The following AKAP13 variants were observed in gnomAD, a reference collection of about 807,000 sequenced individuals.
The protein encoded by AKAP13 is A-kinase anchoring protein 13, also known as A-kinase anchor protein 13.
A neutral mutation model predicts 264.5 loss-of-function variants in AKAP13; 80 were observed. That is an observed-to-expected ratio of 0.30 (90% CI 0.25 to 0.36). AKAP13 has a LOEUF of 0.36. Ranked by LOEUF, AKAP13 falls within the 10% of genes least tolerant of loss-of-function variation. The pLI, the probability that AKAP13 is intolerant of heterozygous loss-of-function variation, is 1.00. For missense variants in AKAP13, 3,712 were observed against 3,435.2 expected (o/e 1.08, Z -2.01); for synonymous variants, 1,380 against 1,250.2 (o/e 1.10, Z -2.19).
At chr15:85,422,705 G>T (rs901773205) in intron 1 of AKAP13, among the ~76,000 whole-genome samples, 2 of 152,224 alleles carry the variant, frequency 1.3e-5, no homozygotes, top group Non-Finnish European at 2.9e-5. Context: ...GTGAATAGGA[G>T]TTGCTGTTAG....
chr15:85,604,781 TTCA>T (rs1352188612), intron 8 of AKAP13, among the ~76,000 whole-genome samples: 4 of 94,552 alleles, frequency 4.2e-5, no homozygotes, highest in African/African-American at 1.5e-4. Flanking sequence ...CTTCTTTAGG[TTCA>T]TCAGAATGAG....
In AKAP13 at chr15:85,727,354, T is replaced by A; in HGVS notation, c.7005-27T>A. 6.2e-7 allele frequency: 1 copy of A among 1,614,118 alleles called. No homozygotes were observed. Among genetic ancestry groups the A allele is most frequent in the Non-Finnish European group, 8.5e-7 (1 of 1,179,974 alleles). ...AGTAATTGACATCTTAGGAATTTTT[T>A]GTTCTGTCTTGTTTGGGTTGTATTA... On this transcript the variant is annotated intron_variant, in intron 28 of 36. Transcript: ENST00000394518. This position sits in a 1 kb window ranked among gnomAD's most constrained non-coding sequence, Gnocchi z 5.3.
chr15:85,646,099 G>C (rs1255525138), intron 10 of AKAP13, 145 bp downstream of exon 10: 1 of 1,084,988 alleles, frequency 9.2e-7, no homozygotes, highest in Non-Finnish European at 1.3e-6. Flanking sequence ...TTGTGATCCA[G>C]CTAGCCTTGT....
At chr15:85,545,026 TC>T (rs1281979306) in intron 5 of AKAP13, among the ~76,000 whole-genome samples, 2 of 152,228 alleles carry the variant, frequency 1.3e-5, no homozygotes, top group African/African-American at 4.8e-5. Flanking sequence ...CTTATACCTT[TC>T]CCCATCACGC....
At chr15:85,734,783 T>A (rs999975095) in intron 30 of AKAP13, among the ~76,000 whole-genome samples, 3 of 152,202 alleles carry the variant, frequency 2.0e-5, no homozygotes, top group African/African-American at 7.2e-5. Context: ...CTCTTGCATA[T>A]AAAGTGGAAG....
intron 17 of AKAP13, among the ~76,000 whole-genome samples, chr15:85,707,018 A>T (rs1476521766): frequency 6.6e-6 from 1 of 152,140 alleles, no homozygotes; most frequent in East Asian, 1.9e-4. Flanking sequence ...TTGGCCCTTA[A>T]CTGGTGAGTT....
At chr15:85,444,649 C>T (rs575387126) in intron 1 of AKAP13, among the ~76,000 whole-genome samples, 35 of 152,274 alleles carry the variant, frequency 2.3e-4, no homozygotes, top group Non-Finnish European at 3.5e-4. Flanking sequence ...AGATGGACTA[C>T]AGAATCAGTC....
At chr15:85,603,886 T>C (rs2080201577) in intron 8 of AKAP13, among the ~76,000 whole-genome samples, 1 of 152,160 alleles carries the variant, frequency 6.6e-6, no homozygotes. Context: ...TTGCAGTGTA[T>C]CTCATGTGCC....
chr15:85,495,579 T>A (rs1049837529), intron 2 of AKAP13, among the ~76,000 whole-genome samples: 1 of 152,214 alleles, frequency 6.6e-6, no homozygotes, highest in Non-Finnish European at 1.5e-5. Flanking sequence ...CCCTGCAAAT[T>A]AAACACTTTT....
At chr15:85,608,328 A>C (rs7162084) in intron 8 of AKAP13, among the ~76,000 whole-genome samples, 92,964 of 152,054 alleles carry the variant, frequency 0.61, 28,611 homozygotes, top group Middle Eastern at 0.71. Flanking sequence ...TAATAACTAA[A>C]TTTGGTCAGC....
intron 12 of AKAP13, among the ~76,000 whole-genome samples, chr15:85,659,364 A>T (rs901567042): frequency 3.3e-5 from 5 of 152,202 alleles, no homozygotes; most frequent in Non-Finnish European, 7.3e-5. Flanking sequence ...GTAAAGAAGT[A>T]TTTTTAACTA....
At chr15:85,723,744 C>G (rs2087439700) in intron 26 of AKAP13, among the ~76,000 whole-genome samples, 1 of 152,156 alleles carries the variant, frequency 6.6e-6, no homozygotes, top group Non-Finnish European at 1.5e-5. Flanking sequence ...AAACACATCA[C>G]TTGTTCACAA....
rs1567088692 is a variant in AKAP13 at position 85,498,226 on chromosome 15, A to ATATATC, written c.33+12474_33+12475insATATCT. ...TATATATATATATATATATATATAT[A>ATATATC]TCACATTGAGCGAGATCATAGATAA... On this transcript the variant is annotated intron_variant, in intron 2 of 36. Transcript: ENST00000394518. Among the ~76,000 whole-genome samples the ATATATC allele has an allele frequency of 8.9e-3, 1,163 of 130,416 alleles. 30 individuals are homozygous for ATATATC. Among genetic ancestry groups the ATATATC allele is most frequent in the African/African-American group, 0.032 (1,107 of 35,084 alleles). 85.6% of individuals were successfully genotyped at this position (130,416 alleles called of 152,430 possible).
At chr15:85,619,997 G>T (rs938369965) in intron 8 of AKAP13, 1 of 1,508,718 alleles carries the variant, frequency 6.6e-7, no homozygotes, top group Non-Finnish European at 8.8e-7. Flanking sequence ...CCACCTAACC[G>T]TGAGAAATTT....
At chr15:85,682,596 T>C (rs2151605377) in intron 15 of AKAP13, among the ~76,000 whole-genome samples, 1 of 152,366 alleles carries the variant, frequency 6.6e-6, no homozygotes, top group East Asian at 1.9e-4. Flanking sequence ...CTTAGCTATT[T>C]TAAGCTTTAA....
chr15:85,550,853 G>T (rs138466236), intron 5 of AKAP13, among the ~76,000 whole-genome samples: 1 of 152,162 alleles, frequency 6.6e-6, no homozygotes, highest in Non-Finnish European at 1.5e-5. Flanking sequence ...TAAAGATAAG[G>T]TTGTAGAACT....
At chr15:85,701,558 G>C (rs549100738) in intron 17 of AKAP13, among the ~76,000 whole-genome samples, 1 of 152,082 alleles carries the variant, frequency 6.6e-6, no homozygotes, top group South Asian at 2.1e-4. Flanking sequence ...TTCTGCCTCA[G>C]TCTCCCAAGT....
chr15:85,641,214 A>C (rs984389600), intron 9 of AKAP13, among the ~76,000 whole-genome samples: 3 of 151,894 alleles, frequency 2.0e-5, no homozygotes, highest in Non-Finnish European at 4.4e-5. Flanking sequence ...GGGGAGGCCG[A>C]GGCGGGCAGA....
intron 26 of AKAP13, among the ~76,000 whole-genome samples, chr15:85,723,927 T>G (rs2087450858): frequency 6.6e-6 from 1 of 152,216 alleles, no homozygotes; most frequent in African/African-American, 2.4e-5. Flanking sequence ...TTTCTAATAG[T>G]CAGCCGTATC....
Sources: gnomAD v4.1 joint callset for allele counts (sites outside exome capture counted in the v4.1 genomes callset) on GRCh38, gnomAD v4.1.1 for gene constraint, Gnocchi (gnomAD v3.1) non-coding constraint, MANE v1.5 for transcripts, NCBI Gene and HGNC (gene_info 2026-07-23, HGNC 2026-07-21) for gene names.